NRG1: variants seen among roughly 807,000 people sequenced by gnomAD.
The protein encoded by NRG1 is neuregulin 1.
A neutral mutation model predicts 63.8 loss-of-function variants in NRG1; 18 were observed. The observed-to-expected ratio is 0.28, with a 90% CI of 0.19 to 0.42. The LOEUF (loss-of-function observed/expected upper bound fraction) is 0.42. NRG1 is among the 10% of genes least tolerant of loss of function. The pLI, the probability that NRG1 is intolerant of heterozygous loss-of-function variation, is 1.00. For synonymous variants in NRG1, 302 were observed against 301.3 expected (o/e 1.00, Z -0.02); for missense variants, 762 against 814.7 (o/e 0.94, Z 0.79).
At chr8:31,957,190 G>GTTTTTTTTTTT (rs5890609) in intron 1 of NRG1, among the ~76,000 whole-genome samples, 10 of 147,934 alleles carry the variant, frequency 6.8e-5, no homozygotes, top group Non-Finnish European at 4.5e-5. Flanking sequence ...AAATCAAAGA[G>GTTTTTTTTTTT]TTTTTTTTTT....
In NRG1 at chr8:32,742,041, T is replaced by C. The variant is rs779606631; in HGVS notation, c.633-634T>C. 19 of 1,613,726 alleles carry C rather than the reference T, an allele frequency of 1.2e-5. No individual in the cohort carries two copies. The highest frequency in any genetic ancestry group is 1.6e-5 in the Non-Finnish European group (19 of 1,179,768). ...CTGGATTCACTGGAGCAAGATGTAC[T>C]GAGAATGTGCCCATGAAAGTCCAAA... is the stretch of plus-strand genomic sequence containing the variant. On this transcript the variant is annotated intron_variant, in intron 6 of 11. Coordinates refer to ENST00000356819, the Ensembl canonical transcript of NRG1. The surrounding 1 kb of genome is among the most constrained non-coding windows in gnomAD (Gnocchi z 4.2).
At chr8:32,498,153 G>A (rs1467510243) in intron 1 of NRG1, among the ~76,000 whole-genome samples, 2 of 152,116 alleles carry the variant, frequency 1.3e-5, no homozygotes, top group Admixed American at 6.6e-5. Context: ...ATATGCAAAA[G>A]AGCTTGTAGA....
intron 1 of NRG1, among the ~76,000 whole-genome samples, chr8:31,699,512 T>C (rs558572456): frequency 6.6e-6 from 1 of 152,318 alleles, no homozygotes; most frequent in Admixed American, 6.5e-5. Context: ...AGTACTCTGA[T>C]GAAGTACTCC....
At chr8:31,804,979 C>T (rs1037801807) in intron 1 of NRG1, among the ~76,000 whole-genome samples, 5 of 152,088 alleles carry the variant, frequency 3.3e-5, no homozygotes, top group South Asian at 2.1e-4. Flanking sequence ...TGAGACACAC[C>T]GAAGAGGAGA....
At chr8:31,970,568 C>CA (rs1475027751) in intron 1 of NRG1, among the ~76,000 whole-genome samples, 1 of 152,130 alleles carries the variant, frequency 6.6e-6, no homozygotes, top group Admixed American at 6.5e-5. Context: ...CATGAGCTTA[C>CA]AGCACCCTGT....
At chr8:32,707,051 A>T (rs1393034345) in intron 5 of NRG1, among the ~76,000 whole-genome samples, 1 of 152,076 alleles carries the variant, frequency 6.6e-6, no homozygotes, top group African/African-American at 2.4e-5. Context: ...ATGTAAAAAG[A>T]AATCTATTTG....
At chr8:32,707,940 GTA>G (rs59961676) in intron 5 of NRG1, among the ~76,000 whole-genome samples, 149,884 of 151,932 alleles carry the variant, frequency 0.99, 73,996 homozygotes, top group Middle Eastern at 1. Context: ...GAAGTTATAT[GTA>G]TATGAAGTAT....
chr8:32,535,562 G>A (rs1831875266), intron 1 of NRG1, among the ~76,000 whole-genome samples: 1 of 152,132 alleles, frequency 6.6e-6, no homozygotes, highest in East Asian at 1.9e-4. Flanking sequence ...CATGGACAAG[G>A]CTCATAAACC....
chr8:32,040,341 A>G (rs1381877), intron 1 of NRG1, among the ~76,000 whole-genome samples: 97,040 of 151,954 alleles, frequency 0.64, 31,911 homozygotes, highest in Non-Finnish European at 0.72. Flanking sequence ...TCTGAATTCA[A>G]AAATAACTTT....
chr8:31,753,411 A>T (rs1337443615), intron 1 of NRG1, among the ~76,000 whole-genome samples: 1 of 152,098 alleles, frequency 6.6e-6, no homozygotes, highest in Non-Finnish European at 1.5e-5. Flanking sequence ...TTTTGAAAGA[A>T]AACATTTGGT....
At chr8:31,727,823 A>G (rs1813601144) in intron 1 of NRG1, among the ~76,000 whole-genome samples, 1 of 152,152 alleles carries the variant, frequency 6.6e-6, no homozygotes, top group Non-Finnish European at 1.5e-5. Context: ...TAACAGCAAT[A>G]ACAAATACAA....
chr8:32,283,444 G>GT (rs1367527317), intron 1 of NRG1, among the ~76,000 whole-genome samples: 1 of 152,162 alleles, frequency 6.6e-6, no homozygotes. Flanking sequence ...TAAAGGTCAA[G>GT]TAAGTGTTTT....
At chr8:32,048,432 CACATATATACAT>C (rs1451032471) in intron 1 of NRG1, among the ~76,000 whole-genome samples, 45 of 91,612 alleles carry the variant, frequency 4.9e-4, no homozygotes, top group African/African-American at 1.9e-3. Context: ...TGCATATGTA[CACATATATACAT>C]ACATATATAT....
At chr8:31,951,326 G>A (rs964721407) in intron 1 of NRG1, among the ~76,000 whole-genome samples, 1 of 152,182 alleles carries the variant, frequency 6.6e-6, no homozygotes, top group Admixed American at 6.5e-5. Context: ...TCAGTGGGGT[G>A]GTTCAGCTGC....
chr8:32,563,112 T>A (rs906092538), intron 1 of NRG1, among the ~76,000 whole-genome samples: 2 of 152,164 alleles, frequency 1.3e-5, no homozygotes, highest in Admixed American at 1.3e-4. Context: ...CTTAAAACAT[T>A]ATGAGCTTTT....
intron 1 of NRG1, among the ~76,000 whole-genome samples, chr8:31,999,547 G>T (rs2129635710): frequency 6.6e-6 from 1 of 152,068 alleles, no homozygotes; most frequent in Admixed American, 6.6e-5. Context: ...AGGAGGGATT[G>T]TGGCCTGTAT....
chr8:31,741,333 C>T (rs962449721), intron 1 of NRG1, among the ~76,000 whole-genome samples: 1 of 151,692 alleles, frequency 6.6e-6, no homozygotes, highest in Non-Finnish European at 1.5e-5. Flanking sequence ...TACCCAGGTA[C>T]CAAATCTGCA....
At chr8:32,173,840 G>C (rs1840369700) in intron 1 of NRG1, among the ~76,000 whole-genome samples, 1 of 152,148 alleles carries the variant, frequency 6.6e-6, no homozygotes, top group Non-Finnish European at 1.5e-5. Context: ...GATTCATAAA[G>C]CAAGTCCTTA....
intron 1 of NRG1, among the ~76,000 whole-genome samples, chr8:32,551,224 C>T (rs1398902778): frequency 2.0e-5 from 3 of 152,180 alleles, no homozygotes; most frequent in Non-Finnish European, 4.4e-5. Context: ...CCTATAGATG[C>T]CATAACTCTA....
Sources: allele counts gnomAD v4.1 joint callset (sites outside exome capture counted in the v4.1 genomes callset), GRCh38; gene constraint gnomAD v4.1.1; non-coding constraint Gnocchi (gnomAD v3.1); transcripts MANE v1.5; gene names NCBI Gene and HGNC (gene_info 2026-07-23, HGNC 2026-07-21).